COP1: variants seen among roughly 807,000 people sequenced by gnomAD.
The protein encoded by COP1 is E3 ubiquitin-protein ligase COP1.
COP1 carries 24 observed loss-of-function variants against 101.3 expected under a neutral mutation model. That is an observed-to-expected ratio of 0.24 (90% confidence interval 0.17 to 0.33). The LOEUF (loss-of-function observed/expected upper bound fraction) is 0.33, where lower values mean the gene tolerates loss of function less well. COP1 is among the 10% of genes least tolerant of loss of function. The pLI, the probability that COP1 is intolerant of heterozygous loss-of-function variation, is 1.00. For missense variants in COP1, 663 were observed against 906.2 expected, an observed-to-expected ratio of 0.73 and a Z score of 3.45; for synonymous variants, 347 against 341.9, an observed-to-expected ratio of 1.01 and a Z score of -0.17.
intron 15 of COP1, among the ~76,000 whole-genome samples, chr1:176,011,876 T>C (rs543073310): frequency 3.0e-4 from 46 of 152,300 alleles, no homozygotes; most frequent in African/African-American, 9.9e-4. Context: ...ACCTACTGCA[T>C]TGACAATAAA....
chr1:176,061,925 C>T (rs1572005190), intron 11 of COP1, among the ~76,000 whole-genome samples: 1 of 152,236 alleles, frequency 6.6e-6, no homozygotes, highest in Non-Finnish European at 1.5e-5. Flanking sequence ...TCTGATAACA[C>T]ATGTATCTGA....
chr1:176,056,119 C>A (rs1673434550), intron 11 of COP1, among the ~76,000 whole-genome samples: 1 of 151,998 alleles, frequency 6.6e-6, no homozygotes, highest in Non-Finnish European at 1.5e-5. Flanking sequence ...TTCCTGTTTT[C>A]TAAGTTTGTA....
intron 1 of COP1, among the ~76,000 whole-genome samples, chr1:176,199,027 C>A (rs753083990): frequency 6.6e-6 from 1 of 152,062 alleles, no homozygotes; most frequent in Non-Finnish European, 1.5e-5. Flanking sequence ...GGTAGAAATG[C>A]AAAATGGTGG....
intron 15 of COP1, among the ~76,000 whole-genome samples, chr1:176,019,499 T>C (rs1470011113): frequency 2.1e-5 from 3 of 142,460 alleles, no homozygotes; most frequent in Non-Finnish European, 3.1e-5. Flanking sequence ...ATAATAATAA[T>C]AATAATAACC....
intron 10 of COP1, among the ~76,000 whole-genome samples, chr1:176,085,202 C>T (rs1397544719): frequency 6.6e-6 from 1 of 152,044 alleles, no homozygotes; most frequent in Non-Finnish European, 1.5e-5. Flanking sequence ...TACAACTCCT[C>T]TGAAATCCCT....
Position 176,171,089 on chromosome 1 carries a change from C to T in COP1, c.565+4821G>A, listed in dbSNP as rs555535212. On this transcript the variant is annotated intron_variant, in intron 3 of 19. Transcript: ENST00000367669. ...GCAGGGAGCCGAGATCACACCACTG[C>T]ACTCCAGCCTGGGCAACAGAGCGAG... is the stretch of plus-strand genomic sequence containing the variant. 5.5e-4 allele frequency among the ~76,000 whole-genome samples: 78 copies of T among 142,784 alleles called. 1 individual carries two copies. Among genetic ancestry groups the T allele is most frequent in the Admixed American group, 3.7e-4 (5 of 13,584 alleles). 93.7% of individuals were successfully genotyped at this position (142,784 alleles called of 152,430 possible).
Position 176,206,766 on chromosome 1 carries a change from C to T in COP1, c.213G>A (p.Ala71=), listed in dbSNP as rs1223795079. Residue 71 remains alanine (A), a synonymous_variant, in exon 1 of 20, where the codon GCG becomes GCA. Coordinates refer to ENST00000367669, the MANE Select transcript of COP1 (RefSeq NM_022457.7). ...LGGPVRPVLV[A]PAVSGSGGGA... is the part of the protein sequence containing the mutation. ...CGCCGCCGCTACCCGATACGGCGGG[C>T]GCCACCAACACAGGCCGCACCGGGC... 4 of 1,508,370 alleles carry T rather than the reference C, an allele frequency of 2.7e-6. No homozygotes were observed. Among genetic ancestry groups the T allele is most frequent in the Non-Finnish European group, 3.5e-6 (4 of 1,135,482 alleles). 93.4% of individuals were successfully genotyped at this position (1,508,370 alleles called of 1,614,324 possible). A position where few individuals can be genotyped will look rare whatever the true frequency, so the allele number is the denominator to read the frequency against.
At chr1:176,187,224 G>A (rs757599221) in intron 1 of COP1, among the ~76,000 whole-genome samples, 19 of 152,010 alleles carry the variant, frequency 1.2e-4, no homozygotes, top group East Asian at 5.8e-4. Flanking sequence ...TCTTGGGCTC[G>A]GGACATCTCT....
intron 15 of COP1, among the ~76,000 whole-genome samples, chr1:176,020,998 T>C (rs1483261558): frequency 1.3e-5 from 2 of 152,120 alleles, no homozygotes; most frequent in African/African-American, 2.4e-5. Context: ...TTAAGAGACA[T>C]GGTCTTGCTC....
chr1:176,132,296 C>T (rs1464516331), intron 8 of COP1, among the ~76,000 whole-genome samples: 1 of 151,786 alleles, frequency 6.6e-6, no homozygotes, highest in Non-Finnish European at 1.5e-5. Context: ...AATGTGTCAA[C>T]TTAAATGTCA....
chr1:176,166,301 A>C (rs959185279), intron 3 of COP1, among the ~76,000 whole-genome samples: 4 of 151,984 alleles, frequency 2.6e-5, no homozygotes, highest in Non-Finnish European at 5.9e-5. Flanking sequence ...AAATTTTTGA[A>C]TCTTTTATAG....
chr1:176,155,721 AT>A (rs1693348061), intron 5 of COP1, among the ~76,000 whole-genome samples: 1 of 152,110 alleles, frequency 6.6e-6, no homozygotes, highest in African/African-American at 2.4e-5. Context: ...ACATAGTCAA[AT>A]TGCTGAAAAC....
chr1:175,995,759 C>T (rs928627746), intron 15 of COP1, among the ~76,000 whole-genome samples: 2 of 152,152 alleles, frequency 1.3e-5, no homozygotes, highest in African/African-American at 2.4e-5. Flanking sequence ...GAATCAATAG[C>T]TTACCAACCA....
chr1:176,041,394 C>A (rs918076437), intron 14 of COP1, among the ~76,000 whole-genome samples: 1 of 147,258 alleles, frequency 6.8e-6, no homozygotes, highest in African/African-American at 2.5e-5. Flanking sequence ...GTCATCCAGG[C>A]TGTAGTGCAA....
chr1:175,997,828 A>G (rs1037279404), intron 15 of COP1, among the ~76,000 whole-genome samples: 69 of 152,142 alleles, frequency 4.5e-4, no homozygotes, highest in African/African-American at 1.7e-3. Flanking sequence ...AACCATTGTG[A>G]AAGTCAGCGT....
intron 3 of COP1, among the ~76,000 whole-genome samples, chr1:176,165,653 T>C (rs984601446): frequency 1.3e-4 from 19 of 152,000 alleles, no homozygotes; most frequent in African/African-American, 4.4e-4. Flanking sequence ...GTCACTGCAC[T>C]GCAGCCTAGG....
intron 17 of COP1, 98 bp downstream of exon 17, chr1:175,988,190 G>T: frequency 1.7e-6 from 2 of 1,173,596 alleles, no homozygotes; most frequent in South Asian, 1.6e-5. Flanking sequence ...TGAGTGCACA[G>T]ACCATTTCTT....
At chr1:175,957,779 G>A (rs1488119112) in intron 18 of COP1, among the ~76,000 whole-genome samples, 1 of 152,062 alleles carries the variant, frequency 6.6e-6, no homozygotes, top group Non-Finnish European at 1.5e-5. Context: ...CTGGAAACAA[G>A]GGCAATATTA....
intron 14 of COP1, among the ~76,000 whole-genome samples, chr1:176,039,493 T>C (rs1454246685): frequency 4.0e-5 from 6 of 150,840 alleles, no homozygotes; most frequent in African/African-American, 1.2e-4. Flanking sequence ...GAAAAATCAA[T>C]GAAACAAAAG....
Sources: allele counts gnomAD v4.1 joint callset (sites outside exome capture counted in the v4.1 genomes callset), GRCh38; gene constraint gnomAD v4.1.1; transcripts MANE v1.5; gene names NCBI Gene and HGNC (gene_info 2026-07-23, HGNC 2026-07-21).